SLC6A15: variants seen among roughly 807,000 people sequenced by gnomAD.
SLC6A15 encodes sodium-dependent neutral amino acid transporter B(0)AT2.
In SLC6A15, 33 loss-of-function variants were observed where a neutral mutation model predicts 68.5. The observed-to-expected ratio is 0.48, with a 90% CI of 0.37 to 0.64. The LOEUF (loss-of-function observed/expected upper bound fraction) is 0.64. Among genes scored for constraint, SLC6A15 ranks in the 30% least tolerant of loss-of-function variants. SLC6A15 has a pLI of 0.00. For missense variants in SLC6A15, 747 were observed against 874.3 expected, an observed-to-expected ratio of 0.85 and a Z score of 1.84; for synonymous variants, 347 against 301.0, an observed-to-expected ratio of 1.15 and a Z score of -1.58.
intron 10 of SLC6A15, among the ~76,000 whole-genome samples, chr12:84,864,500 A>G (rs573533430): frequency 7.2e-5 from 11 of 151,732 alleles, no homozygotes; most frequent in Non-Finnish European, 8.8e-5. Flanking sequence ...TTGTATTTTT[A>G]GTAGAGATGG....
At position 84,904,946 on chromosome 12, in the gene SLC6A15, G is replaced by A. The variant is rs572520761; in HGVS notation, c.-189+7577C>T. ...AAGTTGAATGCATAATTTTAAAACT[G>A]TCACAAAAGAAATCTCACTGGAAAA... On this transcript the variant is annotated intron_variant, in intron 1 of 11. Transcript: ENST00000266682. Among the ~76,000 whole-genome samples, 11 of 152,148 alleles carry A rather than the reference G, an allele frequency of 7.2e-5. No individual in the cohort carries two copies. In the South Asian group the frequency reaches 2.1e-3, roughly 29 times the overall value.
chr12:84,893,445 C>T (rs1197578189), intron 1 of SLC6A15, among the ~76,000 whole-genome samples: 5 of 151,738 alleles, frequency 3.3e-5, no homozygotes, highest in South Asian at 2.1e-4. Context: ...TTGTATGTTA[C>T]GTCTCCTATC....
chr12:84,887,852 G>T lies in SLC6A15; in HGVS notation c.290-1784C>A, dbSNP rs146955211. 2.4e-3 allele frequency among the ~76,000 whole-genome samples: 367 copies of T among 152,026 alleles called. 1 individual carries two copies. Among genetic ancestry groups the T allele is most frequent in the African/African-American group, 8.3e-3 (344 of 41,474 alleles). On this transcript the variant is annotated intron_variant, in intron 2 of 11. Coordinates refer to ENST00000266682, the MANE Select transcript of SLC6A15 (RefSeq NM_182767.6). ...GAAAACAGTATGAAGAACCCTTAAA[G>T]AACTGAAAGTAGATCTACATTCAAT...
chr12:84,907,996 G>T (rs2120745100), intron 1 of SLC6A15, among the ~76,000 whole-genome samples: 1 of 152,230 alleles, frequency 6.6e-6, no homozygotes, highest in South Asian at 2.1e-4. Context: ...AATAAATATG[G>T]AGAACAGAGT....
At chr12:84,897,197 T>C (rs1872669838) in intron 1 of SLC6A15, among the ~76,000 whole-genome samples, 1 of 151,360 alleles carries the variant, frequency 6.6e-6, no homozygotes, top group African/African-American at 2.4e-5. Context: ...AGACCGTGTC[T>C]CAAATAAAAT....
chr12:84,910,793 G>C (rs1285109781), intron 1 of SLC6A15, among the ~76,000 whole-genome samples: 1 of 152,140 alleles, frequency 6.6e-6, no homozygotes, highest in Non-Finnish European at 1.5e-5. Flanking sequence ...ATACTGCTCA[G>C]ACCCCTTCTG....
chr12:84,877,006 A>G (rs183351176), intron 5 of SLC6A15, among the ~76,000 whole-genome samples: 1 of 152,242 alleles, frequency 6.6e-6, no homozygotes, highest in African/African-American at 2.4e-5. Flanking sequence ...CTTTTAACCA[A>G]ATTTTCATTG....
In SLC6A15 at chr12:84,884,020, G is replaced by T. The variant is rs1437964846; in HGVS notation, c.595C>A (p.Gln199Lys). The T allele has an allele frequency of 1.4e-5, 22 of 1,613,822 alleles. No homozygotes were observed. The highest frequency in any genetic ancestry group is 2.7e-5 in the African/African-American group (2 of 74,910). ...CAGTAATAGGTGGTGGCAGAACTTTGTTCACATTCTGGTTCTACAACTGTA... is the reference window on the plus strand; with the variant it reads ...CAGTAATAGGTGGTGGCAGAACTTTTTTCACATTCTGGTTCTACAACTGTA... ...SHTFVEPECE[Q>K]SSATTYYWYR... Residue 199 changes from glutamine (Q) to lysine (K), a missense_variant, in exon 5 of 12, where the codon CAA (glutamine) becomes AAA (lysine). Gln to Lys is a moderately conservative substitution (Grantham distance 53). Coordinates refer to ENST00000266682, the MANE Select transcript of SLC6A15 (RefSeq NM_182767.6).
At position 84,885,429 on chromosome 12, in the gene SLC6A15, T is replaced by A. The variant is rs1872049805; in HGVS notation, c.574+6A>T. 1.2e-6 allele frequency: 2 copies of A among 1,611,570 alleles called. No homozygotes were observed. The highest frequency in any genetic ancestry group is 2.7e-5 in the African/African-American group (2 of 74,858). ...ATACCAAAACACTGTATTATACATA[T>A]CTTACAAGTGTGTGAAGCATTTTTC... On this transcript the variant is annotated splice_donor_region_variant and intron_variant, in intron 4 of 11. Coordinates refer to ENST00000266682, the MANE Select transcript of SLC6A15 (RefSeq NM_182767.6).
At chr12:84,884,203 G>A (rs958400111) in intron 4 of SLC6A15, among the ~76,000 whole-genome samples, 163 bp from the exon 5 acceptor site, 1 of 152,170 alleles carries the variant, frequency 6.6e-6, no homozygotes, top group African/African-American at 2.4e-5. Context: ...ATTCAACTGT[G>A]CAACAAACAG....
rs79992063 is a variant in SLC6A15 at position 84,859,503 on chromosome 12, A to G, written c.*2129T>C. The G allele has an allele frequency of 1.6e-4, 25 of 152,090 alleles. No individual in the cohort carries two copies. The East Asian group carries it at 4.8e-3, about 29-fold the overall frequency. 9.4% of individuals were successfully genotyped at this position (152,090 alleles called of 1,614,324 possible). A position where few individuals can be genotyped will look rare whatever the true frequency, so the allele number is the denominator to read the frequency against. ...AAACAGCATATTGTACACCTTAGAT[A>G]TATACTTTATTTGCTTTCACTATAT... On this transcript the variant is annotated 3_prime_UTR_variant, in exon 12 of 12. Coordinates refer to ENST00000266682, the MANE Select transcript of SLC6A15 (RefSeq NM_182767.6).
At chr12:84,869,745 T>C (rs1871210194) in intron 9 of SLC6A15, among the ~76,000 whole-genome samples, 1 of 152,292 alleles carries the variant, frequency 6.6e-6, no homozygotes, top group African/African-American at 2.4e-5. Context: ...TAGACTCTTT[T>C]GAATTCTTAT....
chr12:84,891,760 A>T, intron 2 of SLC6A15, 72 bp downstream of exon 2: 1 of 1,382,994 alleles, frequency 7.2e-7, no homozygotes, highest in Middle Eastern at 1.9e-4. Context: ...GAGAAACAGC[A>T]ATAATAGGAG....
At chr12:84,887,122 G>A in intron 2 of SLC6A15, among the ~76,000 whole-genome samples, 1 of 152,072 alleles carries the variant, frequency 6.6e-6, no homozygotes, top group Non-Finnish European at 1.5e-5. Flanking sequence ...TGACCTCTTA[G>A]CTAAACTTCT....
Position 84,884,050 on chromosome 12 carries a change from G to T in SLC6A15, c.575-10C>A. 1.9e-6 allele frequency: 3 copies of T among 1,595,530 alleles called. No individual in the cohort carries two copies. Among genetic ancestry groups the T allele is most frequent in the Non-Finnish European group, 1.7e-6 (2 of 1,164,458 alleles). The stretch of plus-strand genomic sequence containing the variant: ...CATTCTGGTTCTACAACTGTAGAAA[G>T]AAAAGTAACACACAATTATTTCAGA... On this transcript the variant is annotated splice_polypyrimidine_tract_variant and intron_variant, in intron 4 of 11. Transcript: ENST00000266682.
At chr12:84,901,778 A>G (rs1422591827) in intron 1 of SLC6A15, among the ~76,000 whole-genome samples, 1 of 151,904 alleles carries the variant, frequency 6.6e-6, no homozygotes, top group Non-Finnish European at 1.5e-5. Flanking sequence ...ATAAAGCACT[A>G]GAACACTAGT....
intron 9 of SLC6A15, 96 bp from the exon 10 acceptor site, chr12:84,867,289 T>C (rs1871105274): frequency 9.8e-7 from 1 of 1,017,306 alleles, no homozygotes. Context: ...TTTAAAACTT[T>C]TATAACATGT....
intron 5 of SLC6A15, chr12:84,883,082 C>A (rs1467263137): frequency 1.0e-6 from 1 of 983,362 alleles, no homozygotes; most frequent in Admixed American, 6.2e-5. Context: ...GAGAGAAGAG[C>A]CAACAGTAAA....
At chr12:84,905,399 T>A (rs1432919987) in intron 1 of SLC6A15, among the ~76,000 whole-genome samples, 1 of 152,178 alleles carries the variant, frequency 6.6e-6, no homozygotes, top group Non-Finnish European at 1.5e-5. Context: ...AGAAGGAAAC[T>A]TTCTCAACTT....
Sources: gnomAD v4.1 joint callset for allele counts (sites outside exome capture counted in the v4.1 genomes callset) on GRCh38, gnomAD v4.1.1 for gene constraint, MANE v1.5 for transcripts, NCBI Gene and HGNC (gene_info 2026-07-23, HGNC 2026-07-21) for gene names.